LRP1B: variants seen among roughly 807,000 people sequenced by gnomAD.
The protein encoded by LRP1B is LDL receptor related protein 1B, also known as low-density lipoprotein receptor-related protein 1B.
Under a neutral mutation model 556.6 loss-of-function variants are expected in LRP1B, and 217 were observed. The observed-to-expected ratio is 0.39, with a 90% CI of 0.35 to 0.44. The LOEUF (loss-of-function observed/expected upper bound fraction) is 0.44, where lower values mean the gene tolerates loss of function less well. LRP1B is among the 20% of genes least tolerant of loss of function. LRP1B has a pLI of 1.00. For missense variants in LRP1B, 5,053 were observed against 5,620.8 expected (o/e 0.90, Z 3.23); for synonymous variants, 2,047 against 1,865.8 (o/e 1.10, Z -2.50).
At chr2:141,067,800 T>A (rs1699519719) in intron 7 of LRP1B, among the ~76,000 whole-genome samples, 1 of 152,012 alleles carries the variant, frequency 6.6e-6, no homozygotes, top group South Asian at 2.1e-4. Flanking sequence ...CTGCAAAGTA[T>A]GCGGTCCACC....
intron 41 of LRP1B, among the ~76,000 whole-genome samples, chr2:140,617,667 T>C (rs1683305613): frequency 6.6e-6 from 1 of 152,018 alleles, no homozygotes; most frequent in Non-Finnish European, 1.5e-5. Flanking sequence ...TAAAAAGAGA[T>C]AAAGGACTTT....
intron 1 of LRP1B, among the ~76,000 whole-genome samples, chr2:142,112,832 C>G (rs901524062): frequency 5.3e-5 from 8 of 152,066 alleles, no homozygotes; most frequent in Admixed American, 2.6e-4. Context: ...ACTCTCAAAG[C>G]CTCTTGCTAG....
At chr2:140,995,857 G>A (rs150480690) in intron 15 of LRP1B, among the ~76,000 whole-genome samples, 3 of 152,088 alleles carry the variant, frequency 2.0e-5, no homozygotes, top group Non-Finnish European at 4.4e-5. Flanking sequence ...TTCACAAATT[G>A]GGTCTTACTA....
At chr2:141,539,527 T>C (rs1270021460) in intron 2 of LRP1B, among the ~76,000 whole-genome samples, 2 of 152,216 alleles carry the variant, frequency 1.3e-5, no homozygotes, top group African/African-American at 4.8e-5. Context: ...ATTCTTCAGA[T>C]ATTTATGACT....
chr2:141,519,359 T>TTATATA (rs1559118033), intron 2 of LRP1B, among the ~76,000 whole-genome samples: 8 of 57,326 alleles, frequency 1.4e-4, no homozygotes, highest in East Asian at 1.6e-3. Context: ...CTTAAGTCAA[T>TTATATA]GATATATATA....
At chr2:140,293,218 A>C (rs1379391964) in intron 84 of LRP1B, among the ~76,000 whole-genome samples, 1 of 152,174 alleles carries the variant, frequency 6.6e-6, no homozygotes, top group East Asian at 1.9e-4. Context: ...TGGTTGGCCT[A>C]ATGTTATTAT....
intron 2 of LRP1B, among the ~76,000 whole-genome samples, chr2:141,553,740 ATATAAAAT>A (rs1685842676): frequency 7.2e-6 from 1 of 138,818 alleles, no homozygotes; most frequent in South Asian, 2.1e-4. Context: ...AATATATTAT[ATATAAAAT>A]ATATAATATA....
At chr2:140,522,833 A>G (rs1690242110) in intron 49 of LRP1B, among the ~76,000 whole-genome samples, 1 of 151,986 alleles carries the variant, frequency 6.6e-6, no homozygotes, top group Non-Finnish European at 1.5e-5. Flanking sequence ...ATCTCCCAAA[A>G]TTGAGTAAGG....
chr2:140,599,129 A>G (rs1212415982), intron 42 of LRP1B, among the ~76,000 whole-genome samples: 6 of 152,108 alleles, frequency 3.9e-5, no homozygotes, highest in Non-Finnish European at 8.8e-5. Flanking sequence ...ATTTATTTTA[A>G]TCAAGAACAA....
chr2:140,767,037 G>A (rs111673826), intron 35 of LRP1B, among the ~76,000 whole-genome samples: 23 of 151,638 alleles, frequency 1.5e-4, no homozygotes, highest in African/African-American at 5.6e-4. Flanking sequence ...AGAAAAATTA[G>A]GTAACTTACC....
chr2:141,491,999 T>C (rs1214105561), intron 2 of LRP1B, among the ~76,000 whole-genome samples: 4 of 145,806 alleles, frequency 2.7e-5, no homozygotes, highest in Admixed American at 2.2e-4. Flanking sequence ...GGTGGTGTGA[T>C]GGCCAAGTGA....
intron 37 of LRP1B, among the ~76,000 whole-genome samples, chr2:140,710,067 A>G (rs1247405957): frequency 6.6e-6 from 1 of 152,090 alleles, no homozygotes; most frequent in Non-Finnish European, 1.5e-5. Context: ...GACGAAGTAA[A>G]TAATATTTAA....
At chr2:140,860,865 A>G (rs1692766419) in intron 27 of LRP1B, among the ~76,000 whole-genome samples, 2 of 152,172 alleles carry the variant, frequency 1.3e-5, no homozygotes, top group African/African-American at 4.8e-5. Flanking sequence ...GAGAAGAAGC[A>G]TACAAAAGAA....
intron 1 of LRP1B, among the ~76,000 whole-genome samples, chr2:142,061,897 G>T (rs1290080911): frequency 6.6e-6 from 1 of 151,858 alleles, no homozygotes; most frequent in Non-Finnish European, 1.5e-5. Flanking sequence ...TGAAAATTAT[G>T]AAATTCCTCC....
At chr2:141,468,397 A>C (rs1264088463) in intron 3 of LRP1B, among the ~76,000 whole-genome samples, 11 of 152,162 alleles carry the variant, frequency 7.2e-5, no homozygotes, top group African/African-American at 4.8e-5. Flanking sequence ...TCTCTAAATA[A>C]TCATTTTATC....
intron 22 of LRP1B, among the ~76,000 whole-genome samples, chr2:140,903,809 T>TAA (rs5834788): frequency 4.2e-5 from 5 of 118,708 alleles, no homozygotes; most frequent in Non-Finnish European, 7.4e-5. Context: ...AGCAAAACAC[T>TAA]AAAAAAAAAA....
At chr2:141,473,522 A>C (rs1220482284) in intron 3 of LRP1B, among the ~76,000 whole-genome samples, 1 of 152,184 alleles carries the variant, frequency 6.6e-6, no homozygotes, top group Non-Finnish European at 1.5e-5. Context: ...TACTTAAACT[A>C]ATCTCTTTGA....
intron 37 of LRP1B, among the ~76,000 whole-genome samples, chr2:140,708,594 G>T (rs1686924415): frequency 6.6e-6 from 1 of 150,918 alleles, no homozygotes; most frequent in African/African-American, 2.4e-5. Context: ...TTATATATGT[G>T]TTTACACCCT....
chr2:141,684,606 A>T (rs1227188621), intron 2 of LRP1B, among the ~76,000 whole-genome samples: 1 of 151,908 alleles, frequency 6.6e-6, no homozygotes, highest in Non-Finnish European at 1.5e-5. Context: ...AGTAAAAAAA[A>T]AGAAAAAAAA....
Sources: gnomAD v4.1 joint callset for allele counts (sites outside exome capture counted in the v4.1 genomes callset) on GRCh38, gnomAD v4.1.1 for gene constraint, MANE v1.5 for transcripts, NCBI Gene and HGNC (gene_info 2026-07-23, HGNC 2026-07-21) for gene names.